Variants in MXRA7 observed in about 807,000 individuals in gnomAD.
The protein encoded by MXRA7 is matrix-remodeling-associated protein 7.
A neutral mutation model predicts 17.4 loss-of-function variants in MXRA7; 18 were observed. The observed-to-expected ratio is 1.03, with a 90% CI of 0.71 to 1.53. MXRA7 has a LOEUF of 1.53. Among genes scored for constraint, MXRA7 ranks in the 40% most tolerant of loss-of-function variants. MXRA7 has a pLI of 0.00. For missense variants in MXRA7, 141 were observed against 209.3 expected (o/e 0.67, Z 2.01); for synonymous variants, 70 against 101.7 (o/e 0.69, Z 1.87).
intron 1 of MXRA7, among the ~76,000 whole-genome samples, chr17:76,709,208 T>A (rs945293748): frequency 6.6e-6 from 1 of 152,046 alleles, no homozygotes; most frequent in East Asian, 1.9e-4. Context: ...ACTGACTGAG[T>A]GTGCATGACG....
intron 1 of MXRA7, among the ~76,000 whole-genome samples, chr17:76,708,873 C>A (rs2076690123): frequency 6.6e-6 from 1 of 152,140 alleles, no homozygotes; most frequent in Non-Finnish European, 1.5e-5. Flanking sequence ...CAGACACAAG[C>A]CTCAAGTCAT....
chr17:76,689,568 G>A (rs1269314620), intron 1 of MXRA7: 2 of 152,234 alleles, frequency 1.3e-5, no homozygotes, highest in African/African-American at 2.4e-5. Flanking sequence ...TATGGCTGAG[G>A]TCGGAGTGGG....
At chr17:76,682,925 A>G (rs958529073) in intron 3 of MXRA7, among the ~76,000 whole-genome samples, 1 of 152,182 alleles carries the variant, frequency 6.6e-6, no homozygotes, top group Non-Finnish European at 1.5e-5. Flanking sequence ...TTGGTGGTCT[A>G]GAGACCTCCA....
At chr17:76,686,336 C>T (rs1278503874) in intron 2 of MXRA7, among the ~76,000 whole-genome samples, 6 of 152,044 alleles carry the variant, frequency 3.9e-5, no homozygotes, top group Admixed American at 2.0e-4. Context: ...AAAAATTAGC[C>T]GGGCGTGGTG....
chr17:76,708,368 A>C (rs905118996), intron 1 of MXRA7, among the ~76,000 whole-genome samples: 2 of 152,190 alleles, frequency 1.3e-5, no homozygotes, highest in Admixed American at 6.5e-5. Flanking sequence ...AGCTAACAGC[A>C]GGTGGAGTTG....
At chr17:76,688,831 A>G in intron 1 of MXRA7, 2 of 473,190 alleles carry the variant, frequency 4.2e-6, no homozygotes, top group Non-Finnish European at 6.7e-6. Flanking sequence ...ATTGAAGGTC[A>G]TGGGGAGGGG....
downstream of MXRA7, chr17:76,674,633 C>G (rs908133442): frequency 6.6e-6 from 1 of 152,328 alleles, no homozygotes; most frequent in Non-Finnish European, 1.5e-5. Context: ...CCCATGCTCC[C>G]TTTTATCACA....
At chr17:76,688,772 G>A in intron 1 of MXRA7, 1 of 948,482 alleles carries the variant, frequency 1.1e-6, no homozygotes, top group Non-Finnish European at 1.4e-6. Context: ...TCAGCTTGCA[G>A]GAATGTCAGA....
chr17:76,709,043 A>G (rs1460862025), intron 1 of MXRA7, among the ~76,000 whole-genome samples: 1 of 152,186 alleles, frequency 6.6e-6, no homozygotes, highest in African/African-American at 2.4e-5. Flanking sequence ...CTATTCCTGT[A>G]GGTACCATGT....
intron 2 of MXRA7, among the ~76,000 whole-genome samples, chr17:76,686,941 A>G: frequency 6.8e-6 from 1 of 146,418 alleles, no homozygotes. Context: ...ATAAGGGGGG[A>G]GGCTGGTGAC....
At chr17:76,703,212 G>A (rs540778577) in intron 1 of MXRA7, among the ~76,000 whole-genome samples, 1 of 152,260 alleles carries the variant, frequency 6.6e-6, no homozygotes, top group African/African-American at 2.4e-5. Flanking sequence ...GAAGGCCCTT[G>A]CTGAGAATCT....
chr17:76,673,450 C>T (rs975771645), exon 4 of MXRA7: 1 of 152,250 alleles, frequency 6.6e-6, no homozygotes, highest in Non-Finnish European at 1.5e-5. Context: ...CGCTGCTGTT[C>T]ATCAGCAGCC....
At position 76,683,927 on chromosome 17, in the gene MXRA7, C is replaced by A. The variant is rs778154298; in HGVS notation, c.500+1145G>T. The A allele has an allele frequency of 4.3e-6, 7 of 1,613,370 alleles. No individual in the cohort carries two copies. In the Admixed American group the frequency reaches 1.2e-4, roughly 27 times the overall value. ...AAGTGAGGTCAGAGGTCAGCTCAAT[C>A]CTGAAATATAAATGCAGCAAACCTG... On this transcript the variant is annotated intron_variant, in intron 3 of 3. Coordinates refer to ENST00000449428, the MANE Select transcript of MXRA7 (RefSeq NM_198530.4).
intron 1 of MXRA7, among the ~76,000 whole-genome samples, chr17:76,707,865 T>C (rs1050259148): frequency 1.3e-5 from 2 of 152,198 alleles, no homozygotes; most frequent in African/African-American, 4.8e-5. Context: ...CTCCTGTTCT[T>C]GACTTCGTTG....
downstream of MXRA7, chr17:76,675,563 T>G (rs1249025352): frequency 6.6e-6 from 1 of 152,102 alleles, no homozygotes; most frequent in Non-Finnish European, 1.5e-5. Flanking sequence ...CCTGGCTAAT[T>G]TTTGTATTTG....
At chr17:76,673,635 T>C (rs1366120256) in exon 4 of MXRA7, 2 of 152,116 alleles carry the variant, frequency 1.3e-5, no homozygotes, top group African/African-American at 2.4e-5. Flanking sequence ...TAGGACAAAT[T>C]AGAATAAAAC....
At position 76,702,420 on chromosome 17, in the gene MXRA7, A is replaced by G. The variant is rs1197432955; in HGVS notation, c.342+8185T>C. Among the ~76,000 whole-genome samples the G allele has an allele frequency of 3.9e-5, 6 of 152,312 alleles. No individual in the cohort carries two copies. In the East Asian group the frequency reaches 7.7e-4, roughly 20 times the overall value. The stretch of plus-strand genomic sequence containing the variant: ...CTACTTAGGAGGCCGAGGCATGAGG[A>G]TCCCTTGAGCCCAAGAGGTCAAGGC... On this transcript the variant is annotated intron_variant, in intron 1 of 3. Transcript: ENST00000449428.
At chr17:76,682,610 G>A (rs972157591) in intron 3 of MXRA7, among the ~76,000 whole-genome samples, 3 of 152,068 alleles carry the variant, frequency 2.0e-5, no homozygotes, top group African/African-American at 7.3e-5. Flanking sequence ...TGAGGACAGC[G>A]TGATGTGGAG....
At chr17:76,700,942 A>G (rs1351595538) in intron 1 of MXRA7, among the ~76,000 whole-genome samples, 1 of 151,776 alleles carries the variant, frequency 6.6e-6, no homozygotes, top group East Asian at 1.9e-4. Flanking sequence ...CAGGGTCCTG[A>G]TGTGGGCGCA....
Sources: allele counts gnomAD v4.1 joint callset (sites outside exome capture counted in the v4.1 genomes callset), GRCh38; gene constraint gnomAD v4.1.1; transcripts MANE v1.5; gene names NCBI Gene and HGNC (gene_info 2026-07-23, HGNC 2026-07-21).